The following HDAC9 variants were observed in gnomAD, a reference collection of about 807,000 sequenced individuals.
HDAC9 encodes the protein MEF-2 interacting transcription repressor (MITR) protein.
A neutral mutation model predicts 139.4 loss-of-function variants in HDAC9; 41 were observed. The observed-to-expected ratio is 0.29, with a 90% CI of 0.23 to 0.38. The LOEUF is 0.38. Among genes scored for constraint, HDAC9 ranks in the 10% least tolerant of loss-of-function variants. The pLI is 1.00. For missense variants in HDAC9, 1,147 were observed against 1,297.0 expected, an observed-to-expected ratio of 0.88 and a Z score of 1.78; for synonymous variants, 517 against 476.2, an observed-to-expected ratio of 1.09 and a Z score of -1.12.
intron 19 of HDAC9, among the ~76,000 whole-genome samples, chr7:18,834,528 C>CT (rs5882682): frequency 0.068 from 9,355 of 138,088 alleles, 355 homozygotes; most frequent in Middle Eastern, 0.13. Flanking sequence ...TTATATCAGG[C>CT]TTTTTTTTTT....
chr7:18,316,927 A>G (rs570921989), intron 1 of HDAC9, among the ~76,000 whole-genome samples: 2 of 151,856 alleles, frequency 1.3e-5, no homozygotes, highest in Non-Finnish European at 2.9e-5. Context: ...CTCTGTGTCT[A>G]CTAAAAATAC....
chr7:18,552,771 T>C (rs1443845477), intron 2 of HDAC9, among the ~76,000 whole-genome samples: 6 of 152,210 alleles, frequency 3.9e-5, no homozygotes, highest in Non-Finnish European at 8.8e-5. Flanking sequence ...TGAGATGTGG[T>C]CTAGAAGCAA....
At chr7:18,281,728 T>C (rs1192609958) in intron 2 of HDAC9, among the ~76,000 whole-genome samples, 2 of 152,250 alleles carry the variant, frequency 1.3e-5, no homozygotes, top group African/African-American at 2.4e-5. Flanking sequence ...GACATCTGAC[T>C]TGAAGACTAA....
chr7:18,538,068 A>T (rs1811475298), intron 2 of HDAC9, among the ~76,000 whole-genome samples: 1 of 152,218 alleles, frequency 6.6e-6, no homozygotes, highest in Non-Finnish European at 1.5e-5. Context: ...GTATGGAAAG[A>T]GGGAAACTAC....
intron 22 of HDAC9, among the ~76,000 whole-genome samples, chr7:18,935,416 A>C (rs184071065): frequency 7.9e-5 from 12 of 152,268 alleles, no homozygotes; most frequent in Admixed American, 3.3e-4. Flanking sequence ...AAAACTTTCT[A>C]TAATAAAGGC....
In HDAC9 at chr7:18,185,538, A is replaced by G. The variant is rs58539359; in HGVS notation, c.25+23189A>G. On this transcript the variant is annotated intron_variant, in intron 2 of 12. Transcript: ENST00000417496. Reference sequence around the variant, plus strand: ...TTATGAAAACTAAACTTTTAGTTCTATTTTGAAAAGAGACAAATTAATCTC... The same window carrying G: ...TTATGAAAACTAAACTTTTAGTTCTGTTTTGAAAAGAGACAAATTAATCTC... Among the ~76,000 whole-genome samples the G allele has an allele frequency of 3.8e-4, 58 of 152,334 alleles. 1 individual carries two copies. The East Asian group carries it at 0.01, about 27-fold the overall frequency.
rs957445146 is a variant in HDAC9 at position 18,999,642 on chromosome 7, T to C, written c.*3580T>C. 1 of 152,182 alleles carries C rather than the reference T, an allele frequency of 6.6e-6. No individual in the cohort carries two copies. The highest frequency in any genetic ancestry group is 2.4e-5 in the African/African-American group (1 of 41,432). 9.4% of individuals were successfully genotyped at this position (152,182 alleles called of 1,614,324 possible). On this transcript the variant is annotated 3_prime_UTR_variant, in exon 26 of 26. Transcript: ENST00000686413. ...TTAGTAGAGACGGGGTTTCTCCATG[T>C]TGGTCAGGCTGGTCTCAAACTCCCG...
intron 1 of HDAC9, among the ~76,000 whole-genome samples, chr7:18,406,041 T>C (rs1443496946): frequency 1.3e-5 from 2 of 152,224 alleles, no homozygotes; most frequent in South Asian, 2.1e-4. Context: ...TGGTTGTAAA[T>C]ATATGTTTTA....
chr7:18,874,810 G>A (rs981503619), intron 22 of HDAC9, among the ~76,000 whole-genome samples: 4 of 152,132 alleles, frequency 2.6e-5, no homozygotes, highest in African/African-American at 9.7e-5. Context: ...TGGTGGACAT[G>A]ACAGCACATT....
Position 18,580,516 on chromosome 7 carries a change from T to C in HDAC9, c.23-4765T>C, listed in dbSNP as rs192288005. On this transcript the variant is annotated intron_variant, in intron 2 of 25. Transcript: ENST00000686413. ...TATTTGCAACCTCAGACAAGCAAGATGAGTCCAAATAAAGCTAGCTTCATC... is the reference window on the plus strand; with the variant it reads ...TATTTGCAACCTCAGACAAGCAAGACGAGTCCAAATAAAGCTAGCTTCATC... 6.8e-4 allele frequency among the ~76,000 whole-genome samples: 104 copies of C among 152,326 alleles called. 1 individual carries two copies. The highest frequency in any genetic ancestry group is 2.3e-3 in the African/African-American group (95 of 41,578).
At chr7:18,618,140 A>G (rs1839177714) in intron 6 of HDAC9, among the ~76,000 whole-genome samples, 1 of 152,208 alleles carries the variant, frequency 6.6e-6, no homozygotes, top group South Asian at 2.1e-4. Flanking sequence ...ATATATTTGA[A>G]GAAGATAATT....
Position 18,726,693 on chromosome 7 carries a change from TAATA to T in HDAC9, c.1732-875_1732-872del, listed in dbSNP as rs564887960. 4.5e-3 allele frequency among the ~76,000 whole-genome samples: 676 copies of T among 150,768 alleles called. 2 individuals carry two copies. The highest frequency in any genetic ancestry group is 6.8e-3 in the Non-Finnish European group (463 of 67,658). ...ATATATTTTTGATAAATATTTTTAT[TAATA>T]AATAAATAAATTCTTTATTAATAAA... On this transcript the variant is annotated intron_variant, in intron 12 of 25. Transcript: ENST00000686413.
chr7:18,475,265 T>C (rs1490821236), intron 1 of HDAC9, among the ~76,000 whole-genome samples: 1 of 152,242 alleles, frequency 6.6e-6, no homozygotes, highest in Non-Finnish European at 1.5e-5. Context: ...CAAAGTGCCA[T>C]GTCACCAAAT....
At chr7:18,667,780 A>G (rs1795240171) in intron 12 of HDAC9, 26 of 984,822 alleles carry the variant, frequency 2.6e-5, no homozygotes, top group Non-Finnish European at 2.9e-5. Context: ...TAAGAAAATA[A>G]CACCACAAGT....
chr7:18,454,740 A>G (rs1175614456), intron 1 of HDAC9, among the ~76,000 whole-genome samples: 1 of 152,084 alleles, frequency 6.6e-6, no homozygotes, highest in South Asian at 2.1e-4. Context: ...TTCAGCATTT[A>G]TCCTAAAAAA....
intron 22 of HDAC9, among the ~76,000 whole-genome samples, chr7:18,906,352 G>A (rs892531175): frequency 6.6e-6 from 1 of 151,754 alleles, no homozygotes; most frequent in Non-Finnish European, 1.5e-5. Context: ...ACCATGTTGG[G>A]CAAGCTGGTC....
intron 22 of HDAC9, among the ~76,000 whole-genome samples, chr7:18,887,368 T>C (rs1268893490): frequency 6.6e-6 from 1 of 152,152 alleles, no homozygotes; most frequent in African/African-American, 2.4e-5. Flanking sequence ...ACTGGGCTAG[T>C]GATTGAAAAA....
chr7:18,379,968 G>T (rs995015209), intron 1 of HDAC9, among the ~76,000 whole-genome samples: 1 of 152,128 alleles, frequency 6.6e-6, no homozygotes, highest in Non-Finnish European at 1.5e-5. Flanking sequence ...GGGCAGAATC[G>T]CTCCTGTTGC....
At chr7:18,742,449 A>G (rs1787547929) in intron 13 of HDAC9, among the ~76,000 whole-genome samples, 1 of 152,214 alleles carries the variant, frequency 6.6e-6, no homozygotes, top group Non-Finnish European at 1.5e-5. Context: ...CTTTGACACA[A>G]TGATTCCACA....
Sources: gnomAD v4.1 joint callset for allele counts (sites outside exome capture counted in the v4.1 genomes callset) on GRCh38, gnomAD v4.1.1 for gene constraint, MANE v1.5 for transcripts, NCBI Gene and HGNC (gene_info 2026-07-23, HGNC 2026-07-21) for gene names.